The following DNAH8 variants were observed in gnomAD, a reference collection of about 807,000 sequenced individuals.
DNAH8 encodes dynein axonemal heavy chain 8.
A neutral mutation model predicts 562.1 loss-of-function variants in DNAH8; 382 were observed. The ratio of observed to expected loss-of-function variants is 0.68; its 90% CI spans 0.63 to 0.74. DNAH8 has a LOEUF of 0.74. Among genes scored for constraint, DNAH8 ranks in the 30% least tolerant of loss-of-function variants. DNAH8 has a pLI of 0.00. For synonymous variants in DNAH8, 1,881 were observed against 1,919.4 expected, an observed-to-expected ratio of 0.98 and a Z score of 0.52; for missense variants, 5,203 against 5,620.4, an observed-to-expected ratio of 0.93 and a Z score of 2.37.
chr6:38,757,951 G>A (rs948917458), intron 10 of DNAH8, among the ~76,000 whole-genome samples: 9 of 152,126 alleles, frequency 5.9e-5, no homozygotes, highest in African/African-American at 2.2e-4. Flanking sequence ...AAGTCAGGTA[G>A]CGTGATGCCT....
intron 22 of DNAH8, among the ~76,000 whole-genome samples, chr6:38,805,136 G>C (rs190368314): frequency 6.6e-6 from 1 of 151,976 alleles, no homozygotes; most frequent in East Asian, 1.9e-4. Flanking sequence ...CATCACAAGC[G>C]TCAAAAACAC....
chr6:38,905,578 T>A (rs1049387114), intron 62 of DNAH8, among the ~76,000 whole-genome samples: 6 of 152,228 alleles, frequency 3.9e-5, no homozygotes, highest in Non-Finnish European at 8.8e-5. Context: ...AAATTTCAGA[T>A]GAGTTTTAGA....
intron 3 of DNAH8, among the ~76,000 whole-genome samples, chr6:38,728,295 C>T (rs1430015275): frequency 7.4e-6 from 1 of 135,192 alleles, no homozygotes; most frequent in African/African-American, 2.6e-5. Flanking sequence ...CCTTAATTTT[C>T]TCTTCTGCAA....
intron 8 of DNAH8, among the ~76,000 whole-genome samples, chr6:38,742,191 G>C (rs1436890902): frequency 6.6e-6 from 1 of 152,142 alleles, no homozygotes; most frequent in Non-Finnish European, 1.5e-5. Context: ...GCTCACTGAG[G>C]TAAACAACTG....
At chr6:38,803,570 A>G (rs1770979543) in intron 22 of DNAH8, among the ~76,000 whole-genome samples, 1 of 149,550 alleles carries the variant, frequency 6.7e-6, no homozygotes, top group Non-Finnish European at 1.5e-5. Context: ...TCCTATGGAT[A>G]GCAGTCTCAG....
chr6:38,892,954 C>T (rs2150491093), intron 58 of DNAH8, among the ~76,000 whole-genome samples: 1 of 152,282 alleles, frequency 6.6e-6, no homozygotes, highest in East Asian at 1.9e-4. Flanking sequence ...AAAGTGACTG[C>T]ACTTGTCCCT....
At chr6:38,845,205 ACT>A (rs1363274592) in intron 35 of DNAH8, among the ~76,000 whole-genome samples, 20 of 152,146 alleles carry the variant, frequency 1.3e-4, no homozygotes, top group Non-Finnish European at 2.9e-4. Context: ...AGTTCAAAAG[ACT>A]CTTATGTATA....
In DNAH8 at chr6:38,882,952, A is replaced by G; in HGVS notation, c.7901A>G (p.Tyr2634Cys). The change falls in exon 54 of 93, where the codon TAT becomes TGT. Residue 2634 changes from tyrosine to cysteine, a missense_variant. Transcript: ENST00000327475. ...AATAAGAAACTTCAGCCTTATTATTATCCAACTGACAGTATTCCGGAATAT... is the reference window on the plus strand; with the variant it reads ...AATAAGAAACTTCAGCCTTATTATTGTCCAACTGACAGTATTCCGGAATAT... Reference protein sequence around the residue: ...HWNKKLQPYYYPTDSIPEYSS... With the variant: ...HWNKKLQPYYCPTDSIPEYSS... 1.2e-6 allele frequency: 2 copies of G among 1,605,072 alleles called. No homozygotes were observed. Among genetic ancestry groups the G allele is most frequent in the Non-Finnish European group, 1.7e-6 (2 of 1,176,962 alleles).
At chr6:38,917,896 A>G (rs1216291905) in intron 69 of DNAH8, 29 bp from the exon 70 acceptor site, 5 of 1,521,116 alleles carry the variant, frequency 3.3e-6, no homozygotes, top group Non-Finnish European at 4.5e-6. Flanking sequence ...TTTCTTCCAG[A>G]ACTTACAGGT....
chr6:38,985,019 T>C (rs576280004), intron 87 of DNAH8, among the ~76,000 whole-genome samples: 25 of 152,260 alleles, frequency 1.6e-4, no homozygotes, highest in African/African-American at 5.5e-4. Flanking sequence ...GTGAAAGTCT[T>C]ATGGTGATTT....
chr6:38,757,441 A>T lies in DNAH8; in HGVS notation c.1515+1362A>T, dbSNP rs562573865. The stretch of plus-strand genomic sequence containing the variant: ...TATTAGCCCTTTGTCAGATGAGTAG[A>T]TTGCAAAAATTTTCTCCCATTCTGT... On this transcript the variant is annotated intron_variant, in intron 10 of 92. Coordinates refer to ENST00000327475, the MANE Select transcript of DNAH8 (RefSeq NM_001206927.2). 9.5e-3 allele frequency among the ~76,000 whole-genome samples: 1,441 copies of T among 151,558 alleles called. 14 individuals carry two copies. Among genetic ancestry groups the T allele is most frequent in the African/African-American group, 0.033 (1,356 of 41,314 alleles).
intron 58 of DNAH8, among the ~76,000 whole-genome samples, chr6:38,892,310 G>A (rs1779390125): frequency 6.6e-6 from 1 of 152,124 alleles, no homozygotes; most frequent in Non-Finnish European, 1.5e-5. Context: ...CAGGCCGATT[G>A]CTAACTACTT....
chr6:38,880,819 G>A (rs1277491482), intron 53 of DNAH8, among the ~76,000 whole-genome samples: 1 of 152,210 alleles, frequency 6.6e-6, no homozygotes, highest in African/African-American at 2.4e-5. Flanking sequence ...CTTGAAGTCA[G>A]CACTTCGAGA....
chr6:38,980,927 C>T (rs1222086421), intron 85 of DNAH8, among the ~76,000 whole-genome samples: 3 of 151,138 alleles, frequency 2.0e-5, no homozygotes, highest in Non-Finnish European at 4.4e-5. Context: ...CTTGTCCCAA[C>T]AAAAATTTAT....
At chr6:39,013,374 G>A (rs1048670976) in intron 91 of DNAH8, among the ~76,000 whole-genome samples, 1 of 152,172 alleles carries the variant, frequency 6.6e-6, no homozygotes, top group Non-Finnish European at 1.5e-5. Context: ...ACAGATTTAG[G>A]ATGAATTATT....
At chr6:38,741,630 G>T in intron 7 of DNAH8, 81 bp from the exon 8 acceptor site, 1 of 1,202,356 alleles carries the variant, frequency 8.3e-7, no homozygotes, top group South Asian at 1.7e-5. Flanking sequence ...TATACTTTCA[G>T]CTGCCTTCAA....
chr6:38,765,663 C>T (rs1615744), intron 11 of DNAH8, among the ~76,000 whole-genome samples: 33,796 of 152,046 alleles, frequency 0.22, 4,205 homozygotes, highest in East Asian at 0.46. Context: ...GTGTCTGTTT[C>T]TATGCCAGTA....
At chr6:38,752,882 C>A (rs2746170) in intron 9 of DNAH8, among the ~76,000 whole-genome samples, 120,995 of 152,092 alleles carry the variant, frequency 0.8, 48,275 homozygotes, top group African/African-American at 0.85. Flanking sequence ...AAGAGATTGT[C>A]GATTTTATTT....
At chr6:39,010,796 T>C (rs1459193678) in intron 89 of DNAH8, among the ~76,000 whole-genome samples, 3 of 121,962 alleles carry the variant, frequency 2.5e-5, no homozygotes, top group Non-Finnish European at 5.1e-5. Flanking sequence ...CACACGCACG[T>C]GTACGCACAC....
Sources: allele counts gnomAD v4.1 joint callset (sites outside exome capture counted in the v4.1 genomes callset), GRCh38; gene constraint gnomAD v4.1.1; transcripts MANE v1.5; gene names NCBI Gene and HGNC (gene_info 2026-07-23, HGNC 2026-07-21).